The following MBP variants were observed in gnomAD, a reference collection of about 807,000 sequenced individuals.
MBP encodes myelin basic protein.
MBP carries 16 observed loss-of-function variants against 35.8 expected under a neutral mutation model. That is an observed-to-expected ratio of 0.45 (90% CI 0.30 to 0.68). The LOEUF is 0.68. Among genes scored for constraint, MBP ranks in the 30% least tolerant of loss-of-function variants. MBP has a pLI of 0.08. For synonymous variants in MBP, 143 were observed against 159.6 expected, an observed-to-expected ratio of 0.90 and a Z score of 0.78; for missense variants, 380 against 404.7, an observed-to-expected ratio of 0.94 and a Z score of 0.52.
intron 3 of MBP, among the ~76,000 whole-genome samples, chr18:77,043,242 A>G (rs1973087923): frequency 1.3e-5 from 2 of 152,212 alleles, no homozygotes; most frequent in Non-Finnish European, 1.5e-5. Context: ...ACTTACAATA[A>G]TCTTTCACCT....
chr18:77,029,437 AGGGAGG>A (rs1382354612), intron 3 of MBP, among the ~76,000 whole-genome samples: 262 of 23,070 alleles, frequency 0.011, 5 homozygotes, highest in African/African-American at 0.037. Flanking sequence ...GGAGAGGGAG[AGGGAGG>A]GGGAGGGGGA....
At position 77,076,631 on chromosome 18, in the gene MBP, C is replaced by T. The variant is rs141951431; in HGVS notation, c.52-10246G>A. On this transcript the variant is annotated intron_variant, in intron 2 of 8. Transcript: ENST00000355994. ...TGCAAAGCAGGAACGACTGTGCCAG[C>T]GGCTGTTTCATGTCCTTCCACTCTT... Among the ~76,000 whole-genome samples the T allele has an allele frequency of 5.4e-3, 818 of 152,328 alleles. 5 individuals are homozygous for T. The highest frequency in any genetic ancestry group is 0.019 in the African/African-American group (780 of 41,578).
chr18:76,999,993 CCTTGTGATGTAGA>C (rs1970544532), intron 4 of MBP, among the ~76,000 whole-genome samples: 1 of 152,094 alleles, frequency 6.6e-6, no homozygotes, highest in Non-Finnish European at 1.5e-5. Context: ...CAGGGCCGCA[CCTTGTGATGTAGA>C]CTCAGATGCT....
chr18:77,023,089 T>G (rs1972056476), intron 3 of MBP, among the ~76,000 whole-genome samples: 1 of 152,232 alleles, frequency 6.6e-6, no homozygotes, highest in Non-Finnish European at 1.5e-5. Context: ...CACCCTAATC[T>G]TATTGCTAGG....
At chr18:77,105,444 T>C (rs1322147620) in intron 1 of MBP, among the ~76,000 whole-genome samples, 158 bp from the exon 2 acceptor site, 1 of 152,156 alleles carries the variant, frequency 6.6e-6, no homozygotes, top group African/African-American at 2.4e-5. Flanking sequence ...GTCCAAGTCA[T>C]CTTATTAACA....
chr18:77,011,593 C>T (rs560121218), intron 4 of MBP, among the ~76,000 whole-genome samples: 2 of 152,290 alleles, frequency 1.3e-5, no homozygotes, highest in East Asian at 1.9e-4. Flanking sequence ...CCCCGGCTGC[C>T]TGCCACTCCC....
intron 2 of MBP, among the ~76,000 whole-genome samples, chr18:77,095,738 AC>A (rs1426634353): frequency 2.0e-5 from 3 of 152,140 alleles, no homozygotes; most frequent in Non-Finnish European, 4.4e-5. Context: ...CTCAGATGTC[AC>A]CCAGTCTTGT....
At chr18:77,003,999 C>CA (rs1970774879) in intron 4 of MBP, 1 of 135,616 alleles carries the variant, frequency 7.4e-6, no homozygotes, top group African/African-American at 2.8e-5. Flanking sequence ...AAACTGGAAC[C>CA]AGCAGCTAAA....
rs576358164 is a variant in MBP at position 77,048,439 on chromosome 18, G to A, written c.139+17859C>T. 7.9e-5 allele frequency among the ~76,000 whole-genome samples: 12 copies of A among 152,308 alleles called. No individual in the cohort carries two copies. The South Asian group carries it at 1.2e-3, about 16-fold the overall frequency. On this transcript the variant is annotated intron_variant, in intron 3 of 8. Transcript: ENST00000355994. ...CTTCTATTGGCATCTGACTTTATGCGTCCCTAACAATCTCTGCAGGTAGGA... is the reference window on the plus strand; with the variant it reads ...CTTCTATTGGCATCTGACTTTATGCATCCCTAACAATCTCTGCAGGTAGGA...
chr18:77,041,451 A>T (rs1435463731), intron 3 of MBP, among the ~76,000 whole-genome samples: 7 of 152,126 alleles, frequency 4.6e-5, no homozygotes, highest in Admixed American at 1.3e-4. Context: ...GGATTATAAA[A>T]CATGCTGCTA....
At chr18:77,082,065 G>C (rs1285001037) in intron 2 of MBP, among the ~76,000 whole-genome samples, 2 of 151,308 alleles carry the variant, frequency 1.3e-5, no homozygotes, top group African/African-American at 2.4e-5. Context: ...TGTTAGCCGG[G>C]ATGGTTTCGA....
intron 3 of MBP, among the ~76,000 whole-genome samples, chr18:77,023,724 C>T (rs1354707208): frequency 6.6e-6 from 1 of 152,176 alleles, no homozygotes; most frequent in African/African-American, 2.4e-5. Context: ...ACAATGGCCA[C>T]GCTGCTGCCT....
At chr18:77,073,609 A>G (rs780944753) in intron 2 of MBP, among the ~76,000 whole-genome samples, 1 of 152,224 alleles carries the variant, frequency 6.6e-6, no homozygotes, top group Non-Finnish European at 1.5e-5. Context: ...GAGACACTAT[A>G]TCTCCCAAGA....
chr18:77,118,808 T>C (rs952273089), intron 1 of MBP, among the ~76,000 whole-genome samples: 2 of 127,808 alleles, frequency 1.6e-5, no homozygotes, highest in South Asian at 5.1e-4. Flanking sequence ...CTACACACTA[T>C]ACGCACACCA....
Position 76,988,618 on chromosome 18 carries a change from A to G in MBP, c.718-91T>C. On this transcript the variant is annotated intron_variant, in intron 6 of 8. Coordinates refer to ENST00000355994, the MANE Select transcript of MBP (RefSeq NM_001025101.2). The surrounding 1 kb of genome is among the most constrained non-coding windows in gnomAD (Gnocchi z 5.2). ...AGGAAACACAGTCAAAGCACAGTGGAGCTGAGGTGGTAAAAACAGGTTCCA... is the reference window on the plus strand; with the variant it reads ...AGGAAACACAGTCAAAGCACAGTGGGGCTGAGGTGGTAAAAACAGGTTCCA... 1 of 1,536,880 alleles carries G rather than the reference A, an allele frequency of 6.5e-7. No homozygotes were observed. The highest frequency in any genetic ancestry group is 8.7e-7 in the Non-Finnish European group (1 of 1,146,210).
intron 4 of MBP, among the ~76,000 whole-genome samples, chr18:76,994,644 TC>T (rs1424205586): frequency 1.3e-5 from 2 of 152,242 alleles, no homozygotes; most frequent in Non-Finnish European, 2.9e-5. Flanking sequence ...GTAGTTTAAA[TC>T]TTTTAAGGTA....
chr18:77,102,384 T>A lies in MBP; in HGVS notation c.51+2827A>T, dbSNP rs1243234197. ...GTAGGTGACACGGCTGGAGCTCATG[T>A]CACGTTTTCTTTTGTGATTCAAGTT... On this transcript the variant is annotated intron_variant, in intron 2 of 8. Transcript: ENST00000355994. This position sits in a 1 kb window ranked among gnomAD's most constrained non-coding sequence, Gnocchi z 4.4. Among the ~76,000 whole-genome samples the A allele has an allele frequency of 6.6e-6, 1 of 152,206 alleles. No individual in the cohort carries two copies. Among genetic ancestry groups the A allele is most frequent in the Non-Finnish European group, 1.5e-5 (1 of 68,030 alleles).
chr18:76,988,808 T>C lies in MBP; in HGVS notation c.717+69A>G. 6.6e-7 allele frequency: 1 copy of C among 1,523,460 alleles called. No individual in the cohort carries two copies. The highest frequency in any genetic ancestry group is 9.0e-7 in the Non-Finnish European group (1 of 1,113,654). The allele number at this position is 1,523,460 out of a possible 1,614,324, so 94.4% of individuals were successfully genotyped here. A position where few individuals can be genotyped will look rare whatever the true frequency, so the allele number is the denominator to read the frequency against. On this transcript the variant is annotated intron_variant, in intron 6 of 8. Transcript: ENST00000355994. The surrounding 1 kb of genome is among the most constrained non-coding windows in gnomAD (Gnocchi z 5.2). ...GCTCGGAGCCTAACTCTCTCTTTGG[T>C]ACATTATGGGATTTTAGAGAAGGTC...
chr18:77,087,311 C>T (rs1267033524), intron 2 of MBP: 5 of 152,248 alleles, frequency 3.3e-5, no homozygotes, highest in African/African-American at 1.2e-4. Context: ...GTCTCCCTGG[C>T]CCCAGAAAAA....
Sources: gnomAD v4.1 joint callset for allele counts (sites outside exome capture counted in the v4.1 genomes callset) on GRCh38, gnomAD v4.1.1 for gene constraint, Gnocchi (gnomAD v3.1) non-coding constraint, MANE v1.5 for transcripts, NCBI Gene and HGNC (gene_info 2026-07-23, HGNC 2026-07-21) for gene names.